Variants in CHL1 observed in about 807,000 individuals in gnomAD.
CHL1 encodes neural cell adhesion molecule L1-like protein.
In CHL1, 96 loss-of-function variants were observed where a neutral mutation model predicts 141.9. The observed-to-expected ratio is 0.68, with a 90% CI of 0.57 to 0.80. The LOEUF (loss-of-function observed/expected upper bound fraction) is 0.80. CHL1 is among the 30% of genes least tolerant of loss of function. CHL1 has a pLI of 0.00. For missense variants in CHL1, 1,820 were observed against 1,457.2 expected, an observed-to-expected ratio of 1.25 and a Z score of -4.05; for synonymous variants, 613 against 502.2, an observed-to-expected ratio of 1.22 and a Z score of -2.95.
At chr3:219,049 T>C (rs1700584949) in intron 1 of CHL1, among the ~76,000 whole-genome samples, 1 of 144,816 alleles carries the variant, frequency 6.9e-6, no homozygotes, top group Non-Finnish European at 1.5e-5. Context: ...CTCCAGAGGC[T>C]GAGGCAGGAG....
chr3:329,551 G>A (rs1429925735), intron 5 of CHL1, among the ~76,000 whole-genome samples: 1 of 151,790 alleles, frequency 6.6e-6, no homozygotes, highest in Non-Finnish European at 1.5e-5. Context: ...ATCACACAAT[G>A]TGGTTGATGC....
intron 5 of CHL1, among the ~76,000 whole-genome samples, chr3:333,548 T>A (rs1463839797): frequency 6.6e-6 from 1 of 151,832 alleles, no homozygotes; most frequent in East Asian, 1.9e-4. Flanking sequence ...GAATGTACCA[T>A]TTTTATATAC....
intron 2 of CHL1, among the ~76,000 whole-genome samples, chr3:303,074 G>A (rs1698904301): frequency 6.6e-6 from 1 of 152,126 alleles, no homozygotes; most frequent in South Asian, 2.1e-4. Flanking sequence ...TTATTTCTGA[G>A]GCCTCCATTC....
chr3:315,342 A>G (rs938003245), intron 2 of CHL1, among the ~76,000 whole-genome samples: 5 of 152,096 alleles, frequency 3.3e-5, no homozygotes, highest in Non-Finnish European at 5.9e-5. Flanking sequence ...TGGTCTCATC[A>G]CTGCACATCA....
intron 20 of CHL1, among the ~76,000 whole-genome samples, 173 bp downstream of exon 20, chr3:389,647 A>T (rs1708062480): frequency 6.6e-6 from 1 of 152,242 alleles, no homozygotes; most frequent in African/African-American, 2.4e-5. Flanking sequence ...TGATTGTAGG[A>T]CAGTTGATCG....
At chr3:349,057 T>C (rs895173268) in intron 9 of CHL1, among the ~76,000 whole-genome samples, 1 of 152,244 alleles carries the variant, frequency 6.6e-6, no homozygotes. Flanking sequence ...CCAGCTATTT[T>C]TCCTTCGCTC....
chr3:276,294 A>C (rs1271319452), intron 2 of CHL1, among the ~76,000 whole-genome samples: 2 of 152,200 alleles, frequency 1.3e-5, no homozygotes, highest in Non-Finnish European at 2.9e-5. Flanking sequence ...AAAATATATC[A>C]AATGAATCAA....
chr3:325,927 G>A, intron 3 of CHL1, 32 bp from the exon 4 acceptor site: 1 of 1,447,202 alleles, frequency 6.9e-7, no homozygotes, highest in Non-Finnish European at 9.7e-7. Context: ...TGTTTGAATA[G>A]TGTGTTTTTA....
chr3:306,193 T>C (rs888227035), intron 2 of CHL1, among the ~76,000 whole-genome samples: 5 of 152,148 alleles, frequency 3.3e-5, no homozygotes, highest in African/African-American at 1.2e-4. Context: ...GAACGATCAA[T>C]CAGTGTTGAC....
At chr3:214,639 C>A (rs893095264) in intron 1 of CHL1, among the ~76,000 whole-genome samples, 1 of 151,938 alleles carries the variant, frequency 6.6e-6, no homozygotes, top group African/African-American at 2.4e-5. Context: ...GACATGAATA[C>A]CCTTGGTATT....
intron 2 of CHL1, among the ~76,000 whole-genome samples, chr3:297,641 G>T (rs1035668131): frequency 6.6e-6 from 1 of 152,120 alleles, no homozygotes; most frequent in African/African-American, 2.4e-5. Flanking sequence ...ATGAATGAAT[G>T]GTTGTATTAC....
chr3:265,867 G>A (rs1695105477), intron 2 of CHL1, among the ~76,000 whole-genome samples: 1 of 152,134 alleles, frequency 6.6e-6, no homozygotes, highest in African/African-American at 2.4e-5. Context: ...TTTCTCCTCA[G>A]TATTCAAATT....
chr3:197,022 G>C lies in CHL1; in HGVS notation c.-216G>C, dbSNP rs1325904043. On this transcript the variant is annotated 5_prime_UTR_variant, in exon 1 of 28. Coordinates refer to ENST00000256509, the MANE Select transcript of CHL1 (RefSeq NM_006614.4). ...GGCCGGCTCGGGGGAGAAGGCGCCC[G>C]AGGGGAGGCGCCGGACAGATCGCGT... is the stretch of plus-strand genomic sequence containing the variant. 1.3e-5 allele frequency: 2 copies of C among 152,200 alleles called. No individual in the cohort carries two copies. Among genetic ancestry groups the C allele is most frequent in the African/African-American group, 4.8e-5 (2 of 41,438 alleles). The allele number at this position is 152,200 out of a possible 1,614,324, so 9.4% of individuals were successfully genotyped here.
intron 9 of CHL1, among the ~76,000 whole-genome samples, chr3:347,424 A>G (rs1372374199): frequency 1.3e-5 from 2 of 152,238 alleles, no homozygotes; most frequent in African/African-American, 4.8e-5. Flanking sequence ...ATTGGCAAGA[A>G]TAGAGCTGAA....
At chr3:364,856 G>T (rs1356215549) in intron 14 of CHL1, among the ~76,000 whole-genome samples, 1 of 152,032 alleles carries the variant, frequency 6.6e-6, no homozygotes, top group Non-Finnish European at 1.5e-5. Flanking sequence ...TCATAAAGTT[G>T]TTATAATTAT....
intron 1 of CHL1, chr3:197,652 G>A (rs1344711479): frequency 8.3e-6 from 3 of 360,118 alleles, no homozygotes; most frequent in East Asian, 7.5e-5. Flanking sequence ...CGAAAATGCC[G>A]CCAGCCTGGA....
intron 19 of CHL1, among the ~76,000 whole-genome samples, chr3:386,834 A>G (rs1707764864): frequency 6.6e-6 from 1 of 152,204 alleles, no homozygotes; most frequent in African/African-American, 2.4e-5. Context: ...TGTATAACAT[A>G]ATGACTATAG....
rs1219114757 is a variant in CHL1 at position 408,286 on chromosome 3, A to G, written c.*2575A>G. The G allele has an allele frequency of 1.3e-5, 2 of 152,096 alleles. No homozygotes were observed. Among genetic ancestry groups the G allele is most frequent in the Non-Finnish European group, 2.9e-5 (2 of 68,002 alleles). The allele number at this position is 152,096 out of a possible 1,614,324, so 9.4% of individuals were successfully genotyped here. ...CCTAACTTTCTCTAGTCTACTGTCA[A>G]TATCATTTTAATGTAATTGATTGTA... On this transcript the variant is annotated 3_prime_UTR_variant, in exon 28 of 28. Transcript: ENST00000256509.
At position 354,901 on chromosome 3, in the gene CHL1, G is replaced by C. The variant is rs1251624095; in HGVS notation, c.1165+130G>C. ...CAGGACAGATACAACCAGCAAATCA[G>C]AGATTGTTTATTTCTAAGCAATTTG... On this transcript the variant is annotated intron_variant, in intron 11 of 27. Transcript: ENST00000256509. 10 of 1,156,136 alleles carry C rather than the reference G, an allele frequency of 8.6e-6. No individual in the cohort carries two copies. In the East Asian group the frequency reaches 2.2e-4, roughly 26 times the overall value. The allele number at this position is 1,156,136 out of a possible 1,614,324, so 71.6% of individuals were successfully genotyped here. A position where few individuals can be genotyped will look rare whatever the true frequency, so the allele number is the denominator to read the frequency against.
Sources: gnomAD v4.1 joint callset for allele counts (sites outside exome capture counted in the v4.1 genomes callset) on GRCh38, gnomAD v4.1.1 for gene constraint, MANE v1.5 for transcripts, NCBI Gene and HGNC (gene_info 2026-07-23, HGNC 2026-07-21) for gene names.